SGK3: variants seen among roughly 807,000 people sequenced by gnomAD.
SGK3 encodes the protein serine/threonine-protein kinase Sgk3.
SGK3 carries 47 observed loss-of-function variants against 68.5 expected under a neutral mutation model. The ratio of observed to expected loss-of-function variants is 0.69; its 90% CI spans 0.54 to 0.87. The LOEUF (loss-of-function observed/expected upper bound fraction) is 0.87. Among genes scored for constraint, SGK3 ranks in the 40% least tolerant of loss-of-function variants. The pLI is 0.00. For missense variants in SGK3, 479 were observed against 575.5 expected, an observed-to-expected ratio of 0.83 and a Z score of 1.72; for synonymous variants, 181 against 189.1, an observed-to-expected ratio of 0.96 and a Z score of 0.35.
At chr8:66,737,859 G>A (rs1231110127) in intron 1 of SGK3, among the ~76,000 whole-genome samples, 2 of 151,658 alleles carry the variant, frequency 1.3e-5, no homozygotes, top group African/African-American at 4.8e-5. Flanking sequence ...CTGGCCATCC[G>A]CCCACCTTGG....
chr8:66,772,595 C>G (rs1416014585), intron 1 of SGK3, among the ~76,000 whole-genome samples: 5 of 147,814 alleles, frequency 3.4e-5, no homozygotes, highest in African/African-American at 1.3e-4. Flanking sequence ...GAGTCTCGCT[C>G]TGTCGCCCAG....
intron 1 of SGK3, among the ~76,000 whole-genome samples, chr8:66,760,987 A>G (rs947095833): frequency 6.6e-6 from 1 of 151,576 alleles, no homozygotes; most frequent in Non-Finnish European, 1.5e-5. Context: ...ATTGCACTCC[A>G]TCCTGGGCAA....
At chr8:66,839,245 T>C (rs1809667518) in intron 10 of SGK3, among the ~76,000 whole-genome samples, 2 of 151,740 alleles carry the variant, frequency 1.3e-5, no homozygotes, top group Admixed American at 1.3e-4. Flanking sequence ...GTAACCTTAG[T>C]TAAAGGCCAG....
intron 16 of SGK3, among the ~76,000 whole-genome samples, chr8:66,852,744 T>C (rs1016685243): frequency 7.2e-5 from 11 of 152,254 alleles, no homozygotes; most frequent in Non-Finnish European, 1.3e-4. Context: ...GTAGACTGAC[T>C]GACTTCATGT....
intron 1 of SGK3, among the ~76,000 whole-genome samples, chr8:66,792,647 G>C (rs948956148): frequency 1.3e-5 from 2 of 152,136 alleles, no homozygotes; most frequent in African/African-American, 4.8e-5. Context: ...GGGAGATCAA[G>C]TTGGGAGGAA....
At chr8:66,822,672 G>A (rs1198207107) in intron 6 of SGK3, among the ~76,000 whole-genome samples, 1 of 152,132 alleles carries the variant, frequency 6.6e-6, no homozygotes, top group Non-Finnish European at 1.5e-5. Context: ...AGGCTGGAGT[G>A]CAGTGGCATG....
intron 1 of SGK3, among the ~76,000 whole-genome samples, chr8:66,757,783 C>T (rs936416955): frequency 6.6e-6 from 1 of 150,648 alleles, no homozygotes; most frequent in Non-Finnish European, 1.5e-5. Context: ...GGCATGGTGG[C>T]GGGCACCTGT....
At chr8:66,818,051 C>T (rs1388245309) in intron 5 of SGK3, among the ~76,000 whole-genome samples, 1 of 152,102 alleles carries the variant, frequency 6.6e-6, no homozygotes, top group East Asian at 1.9e-4. Context: ...CCCAGGAGAT[C>T]CAGGCTACAG....
chr8:66,771,960 T>C, intron 1 of SGK3, among the ~76,000 whole-genome samples: 1 of 150,878 alleles, frequency 6.6e-6, no homozygotes, highest in African/African-American at 2.4e-5. Context: ...AGCATTTGGT[T>C]ATCATGAAGT....
chr8:66,811,249 C>T (rs944120269), intron 4 of SGK3, among the ~76,000 whole-genome samples: 2 of 152,146 alleles, frequency 1.3e-5, no homozygotes, highest in Non-Finnish European at 2.9e-5. Context: ...AACTCCTGGC[C>T]TCAAGTGATT....
chr8:66,797,608 T>G (rs1807752120), intron 2 of SGK3, among the ~76,000 whole-genome samples: 1 of 152,202 alleles, frequency 6.6e-6, no homozygotes, highest in Admixed American at 6.5e-5. Context: ...TTGAAAATAT[T>G]GAACATGGAA....
intron 4 of SGK3, among the ~76,000 whole-genome samples, chr8:66,808,115 G>A (rs1808238105): frequency 1.3e-5 from 2 of 152,256 alleles, no homozygotes; most frequent in Admixed American, 6.5e-5. Flanking sequence ...TAAGGATGAG[G>A]GAGAGATTGG....
At chr8:66,738,842 G>A (rs1218643565) in intron 1 of SGK3, among the ~76,000 whole-genome samples, 1 of 152,150 alleles carries the variant, frequency 6.6e-6, no homozygotes, top group East Asian at 1.9e-4. Flanking sequence ...ATGTTAGCCA[G>A]GATGGTCTCA....
chr8:66,745,589 CA>C (rs200715635), intron 1 of SGK3, among the ~76,000 whole-genome samples: 4,568 of 145,782 alleles, frequency 0.031, 242 homozygotes, highest in African/African-American at 0.11. Context: ...AAAAACAAAA[CA>C]AAACAAAAAA....
rs537737855 is a variant in SGK3 at position 66,829,548 on chromosome 8, TAA to T, written c.467+846_467+847del. ...GAAGAGTGCCTAAAAGAGGAGGGAGTAATTATCTCTGTTAATGTTGCTGATAG... is the reference window on the plus strand; with the variant it reads ...GAAGAGTGCCTAAAAGAGGAGGGAGTTTATCTCTGTTAATGTTGCTGATAG... On this transcript the variant is annotated intron_variant, in intron 7 of 16. Coordinates refer to ENST00000521198, the MANE Select transcript of SGK3 (RefSeq NM_001033578.3). Among the ~76,000 whole-genome samples the T allele has an allele frequency of 1.4e-3, 209 of 151,770 alleles. 4 individuals carry two copies. Among genetic ancestry groups the T allele is most frequent in the South Asian group, 0.012 (57 of 4,806 alleles).
intron 1 of SGK3, among the ~76,000 whole-genome samples, chr8:66,787,136 G>T (rs1312146701): frequency 1.3e-5 from 2 of 151,516 alleles, no homozygotes; most frequent in Non-Finnish European, 2.9e-5. Context: ...TAGAGACGGG[G>T]TTTCACCATG....
Position 66,809,245 on chromosome 8 carries a change from C to G in SGK3, c.254-4608C>G, listed in dbSNP as rs571189260. On this transcript the variant is annotated intron_variant, in intron 4 of 16. Transcript: ENST00000521198. Reference sequence around the variant, plus strand: ...CCTAAAAGCAATAACAAGTAGTAACCAACACCCCTAGCATTCAGATTGTGA... The same window carrying G: ...CCTAAAAGCAATAACAAGTAGTAACGAACACCCCTAGCATTCAGATTGTGA... Among the ~76,000 whole-genome samples, 29 of 152,252 alleles carry G rather than the reference C, an allele frequency of 1.9e-4. 1 individual carries two copies. Among genetic ancestry groups the G allele is most frequent in the African/African-American group, 5.3e-4 (22 of 41,546 alleles).
chr8:66,778,775 G>T (rs1806830503), intron 1 of SGK3, among the ~76,000 whole-genome samples: 1 of 152,202 alleles, frequency 6.6e-6, no homozygotes, highest in Non-Finnish European at 1.5e-5. Flanking sequence ...ATTTATAGAG[G>T]GGAGTGGGTG....
chr8:66,755,087 C>T (rs1305779717), intron 1 of SGK3, among the ~76,000 whole-genome samples: 4 of 151,932 alleles, frequency 2.6e-5, no homozygotes, highest in South Asian at 4.2e-4. Flanking sequence ...GGTGAAACCT[C>T]GTCTCTACTA....
Sources: gnomAD v4.1 joint callset for allele counts (sites outside exome capture counted in the v4.1 genomes callset) on GRCh38, gnomAD v4.1.1 for gene constraint, MANE v1.5 for transcripts, NCBI Gene and HGNC (gene_info 2026-07-23, HGNC 2026-07-21) for gene names.